ERCC6L2: variants seen among roughly 807,000 people sequenced by gnomAD.
The protein encoded by ERCC6L2 is ERCC excision repair 6 like 2, also known as DNA excision repair protein ERCC-6-like 2.
Under a neutral mutation model 132.0 loss-of-function variants are expected in ERCC6L2, and 77 were observed. The ratio of observed to expected loss-of-function variants is 0.58; its 90% CI spans 0.49 to 0.71. ERCC6L2 has a LOEUF of 0.71. ERCC6L2 is among the 30% of genes least tolerant of loss of function. The probability of loss-of-function intolerance (pLI) is 0.00; values close to 1 mark genes in which losing one functional copy is unlikely to be tolerated. For synonymous variants in ERCC6L2, 583 were observed against 632.4 expected, an observed-to-expected ratio of 0.92 and a Z score of 1.17; for missense variants, 1,542 against 1,837.6, an observed-to-expected ratio of 0.84 and a Z score of 2.94.
At chr9:95,894,063 G>A (rs992981791) in intron 2 of ERCC6L2, among the ~76,000 whole-genome samples, 14 of 152,040 alleles carry the variant, frequency 9.2e-5, no homozygotes, top group African/African-American at 2.2e-4. Context: ...CCTACTGAAC[G>A]TTATAGCTTA....
At chr9:95,920,241 T>C (rs1248486183) in intron 6 of ERCC6L2, among the ~76,000 whole-genome samples, 2 of 152,224 alleles carry the variant, frequency 1.3e-5, no homozygotes, top group Non-Finnish European at 2.9e-5. Context: ...CCTCTTCATT[T>C]CTGCCACCCA....
rs545422744 is a variant in ERCC6L2 at position 95,949,701 on chromosome 9, A to G, written c.1848-6213A>G. ...CAAAAGCTTGAGGGAGTTCATTACC[A>G]CTAGACCAGCCCTGTAAGGAATCCT... On this transcript the variant is annotated intron_variant, in intron 12 of 18. Coordinates refer to ENST00000653738, the MANE Select transcript of ERCC6L2 (RefSeq NM_020207.7). Among the ~76,000 whole-genome samples, 7 of 152,274 alleles carry G rather than the reference A, an allele frequency of 4.6e-5. No individual in the cohort carries two copies. In the South Asian group the frequency reaches 8.3e-4, roughly 18 times the overall value.
In ERCC6L2 at chr9:95,928,566, G is replaced by A. The variant is rs556585449; in HGVS notation, c.1606-153G>A. Among the ~76,000 whole-genome samples the A allele has an allele frequency of 1.6e-3, 241 of 152,254 alleles. 2 individuals are homozygous for A. Among genetic ancestry groups the A allele is most frequent in the Non-Finnish European group, 2.6e-3 (174 of 68,014 alleles). On this transcript the variant is annotated intron_variant, in intron 10 of 18. Transcript: ENST00000653738. The stretch of plus-strand genomic sequence containing the variant: ...CAGGATAACGGGAATAAATATATGG[G>A]TCAGAAGTGAGAAAAATATTTATTG...
chr9:95,875,951 C>G lies in ERCC6L2; in HGVS notation c.-88C>G. 3 of 1,432,536 alleles carry G rather than the reference C, an allele frequency of 2.1e-6. No homozygotes were observed. Among genetic ancestry groups the G allele is most frequent in the Non-Finnish European group, 9.5e-7 (1 of 1,048,944 alleles). 88.7% of individuals were successfully genotyped at this position (1,432,536 alleles called of 1,614,324 possible). On this transcript the variant is annotated 5_prime_UTR_variant, in exon 1 of 19. Coordinates refer to ENST00000653738, the MANE Select transcript of ERCC6L2 (RefSeq NM_020207.7). Reference sequence around the variant, plus strand: ...GGGCGGCCGGAAGTGGCGTTGGCCGCCATTGGCCTGCCGGCCAGCCACCTT... The same window carrying G: ...GGGCGGCCGGAAGTGGCGTTGGCCGGCATTGGCCTGCCGGCCAGCCACCTT...
chr9:95,948,762 A>G (rs1831182480), intron 12 of ERCC6L2, among the ~76,000 whole-genome samples: 2 of 148,770 alleles, frequency 1.3e-5, no homozygotes, highest in South Asian at 4.5e-4. Flanking sequence ...TCCAAATGGT[A>G]GTTTTCAAGA....
chr9:95,922,210 G>C, intron 7 of ERCC6L2, 95 bp from the exon 8 acceptor site: 3 of 559,042 alleles, frequency 5.4e-6, no homozygotes, highest in South Asian at 2.8e-5. Flanking sequence ...AAAGTAACCC[G>C]ATAATAAATG....
chr9:95,941,561 A>G lies in ERCC6L2; in HGVS notation c.1847+12A>G, dbSNP rs766424082. The G allele has an allele frequency of 6.3e-7, 1 of 1,575,196 alleles. No individual in the cohort carries two copies. Among genetic ancestry groups the G allele is most frequent in the South Asian group, 1.1e-5 (1 of 88,936 alleles). Reference sequence around the variant, plus strand: ...CAAGCCATTGACAGGTATAATACTGACAAAATTTAAAGTGATCTGCAAATA... The same window carrying G: ...CAAGCCATTGACAGGTATAATACTGGCAAAATTTAAAGTGATCTGCAAATA... On this transcript the variant is annotated intron_variant, in intron 12 of 18. Coordinates refer to ENST00000653738, the MANE Select transcript of ERCC6L2 (RefSeq NM_020207.7).
rs146089142 is a variant in ERCC6L2 at position 95,933,676 on chromosome 9, C to T, written c.1751+4812C>T. Among the ~76,000 whole-genome samples, 484 of 152,154 alleles carry T rather than the reference C, an allele frequency of 3.2e-3. 2 individuals carry two copies. The highest frequency in any genetic ancestry group is 0.011 in the African/African-American group (463 of 41,510). On this transcript the variant is annotated intron_variant, in intron 11 of 18. Transcript: ENST00000653738. ...CCTGGCTGACATGGTGAAACCCCATCTCTACTAAAAATACAGAATTAGCCA... is the reference window on the plus strand; with the variant it reads ...CCTGGCTGACATGGTGAAACCCCATTTCTACTAAAAATACAGAATTAGCCA...
rs139286981 is a variant in ERCC6L2 at position 95,876,059 on chromosome 9, G to C, written c.21G>C (p.Gln7His). The C allele has an allele frequency of 9.0e-4, 1,430 of 1,585,044 alleles. 11 individuals carry two copies. In the African/African-American group the frequency reaches 0.016, roughly 18 times the overall value. Residue 7 changes from glutamine to histidine, a missense_variant, in exon 1 of 19, where the codon CAG becomes CAC. Gln to His is a conservative substitution (Grantham distance 24, BLOSUM62 0). This residue lies in a region of ERCC6L2 where 153 missense variants were observed against 132.3 expected (regional missense o/e 1.16). Coordinates refer to ENST00000653738, the MANE Select transcript of ERCC6L2 (RefSeq NM_020207.7). ...GCCGGATGGATCCGTCGGCGCCACA[G>C]CCCCGCGCGGAAACCTCAGGCAAAG... MDPSAPQPRAETSGKDI... is the reference protein window; with the variant it reads MDPSAPHPRAETSGKDI...
At position 96,015,019 on chromosome 9, in the gene ERCC6L2, T is replaced by TTTTTG. The variant is rs1195452060; in HGVS notation, c.*1820_*1821insGTTTT. Among the ~76,000 whole-genome samples, 3 of 118,920 alleles carry TTTTTG rather than the reference T, an allele frequency of 2.5e-5. No individual in the cohort carries two copies. The highest frequency in any genetic ancestry group is 5.1e-5 in the Non-Finnish European group (3 of 58,842). The allele number at this position is 118,920 out of a possible 152,430, so 78.0% of individuals were successfully genotyped here. On this transcript the variant is annotated 3_prime_UTR_variant, in exon 19 of 19. Coordinates refer to ENST00000653738, the MANE Select transcript of ERCC6L2 (RefSeq NM_020207.7). ...TATAGTCTTCATATATGTACAGTTT[T>TTTTTG]TTTTTTTTTTTTTTTTTTTTTGAGA...
At chr9:95,978,287 T>G in intron 17 of ERCC6L2, 72 bp downstream of exon 17, 1 of 998,136 alleles carries the variant, frequency 1.0e-6, no homozygotes. Flanking sequence ...TAGGATCTTC[T>G]CTAAGTACTC....
chr9:95,984,285 CATGTTAT>C (rs973474142), intron 17 of ERCC6L2, among the ~76,000 whole-genome samples: 6 of 148,676 alleles, frequency 4.0e-5, no homozygotes, highest in Non-Finnish European at 7.4e-5. Flanking sequence ...ATATGATATA[CATGTTAT>C]ATGTTATATA....
chr9:96,004,480 T>C, intron 17 of ERCC6L2, 40 bp from the exon 18 acceptor site: 2 of 1,189,858 alleles, frequency 1.7e-6, no homozygotes, highest in Non-Finnish European at 2.2e-6. Flanking sequence ...ACAATGACTA[T>C]TTTTTCAGAC....
chr9:95,997,244 A>G (rs921861652), intron 17 of ERCC6L2, among the ~76,000 whole-genome samples: 3 of 152,224 alleles, frequency 2.0e-5, no homozygotes, highest in African/African-American at 7.2e-5. Context: ...CTACATTAAC[A>G]GAAGTTTGGA....
chr9:95,939,440 T>C (rs1049401150), intron 11 of ERCC6L2, among the ~76,000 whole-genome samples: 2 of 152,188 alleles, frequency 1.3e-5, no homozygotes, highest in Non-Finnish European at 2.9e-5. Flanking sequence ...GGGTTGACAG[T>C]TCTTTTCTTT....
chr9:95,984,260 AC>A (rs2133132668), intron 17 of ERCC6L2, among the ~76,000 whole-genome samples: 1 of 149,246 alleles, frequency 6.7e-6, no homozygotes, highest in African/African-American at 2.4e-5. Flanking sequence ...GTAACTACAT[AC>A]ATGTATGTTA....
intron 16 of ERCC6L2, among the ~76,000 whole-genome samples, chr9:95,975,559 T>G (rs1832632369): frequency 6.6e-6 from 1 of 151,588 alleles, no homozygotes. Context: ...GCTTGTGTCT[T>G]CATGTTGGTT....
intron 4 of ERCC6L2, among the ~76,000 whole-genome samples, chr9:95,909,989 A>G (rs906677085): frequency 2.6e-5 from 4 of 152,176 alleles, no homozygotes; most frequent in Non-Finnish European, 5.9e-5. Flanking sequence ...GTGTAGTAGT[A>G]TCTTGTAGTG....
intron 17 of ERCC6L2, among the ~76,000 whole-genome samples, chr9:95,983,224 C>A (rs1168083690): frequency 6.6e-6 from 1 of 152,146 alleles, no homozygotes; most frequent in Non-Finnish European, 1.5e-5. Context: ...CTGCCTTGAA[C>A]TGTGGCTGAT....
Sources: allele counts gnomAD v4.1 joint callset (sites outside exome capture counted in the v4.1 genomes callset), GRCh38; gene constraint gnomAD v4.1.1; regional missense constraint gnomAD v4.1.1; transcripts MANE v1.5; gene names NCBI Gene and HGNC (gene_info 2026-07-23, HGNC 2026-07-21).